Variants in TRIM33 observed in about 807,000 individuals in gnomAD.
TRIM33 encodes the protein tripartite motif containing 33, also known as E3 ubiquitin-protein ligase TRIM33.
In TRIM33, 20 loss-of-function variants were observed where a neutral mutation model predicts 125.4. The ratio of observed to expected loss-of-function variants is 0.16; its 90% CI spans 0.11 to 0.23. The LOEUF (loss-of-function observed/expected upper bound fraction) is 0.23, where lower values mean the gene tolerates loss of function less well. TRIM33 is among the 10% of genes least tolerant of loss of function. The pLI is 1.00. For missense variants in TRIM33, 920 were observed against 1,411.4 expected (o/e 0.65, Z 5.58); for synonymous variants, 564 against 513.9 (o/e 1.10, Z -1.32).
intron 10 of TRIM33, among the ~76,000 whole-genome samples, chr1:114,422,782 T>C (rs971070265): frequency 1.3e-5 from 2 of 152,170 alleles, no homozygotes; most frequent in African/African-American, 4.8e-5. Flanking sequence ...AATGAAGTTG[T>C]CACTGACAAA....
At chr1:114,452,247 G>C (rs559592899) in intron 4 of TRIM33, among the ~76,000 whole-genome samples, 5 of 152,238 alleles carry the variant, frequency 3.3e-5, no homozygotes, top group East Asian at 3.9e-4. Context: ...GGATCACGAG[G>C]TCGAGAGATT....
intron 10 of TRIM33, among the ~76,000 whole-genome samples, chr1:114,423,360 G>A (rs941878664): frequency 2.0e-5 from 3 of 152,078 alleles, no homozygotes; most frequent in Admixed American, 2.0e-4. Flanking sequence ...AAGTAGAAGT[G>A]TAATTCAAGT....
chr1:114,464,754 A>C (rs1650185680), intron 1 of TRIM33, among the ~76,000 whole-genome samples: 8 of 152,206 alleles, frequency 5.3e-5, no homozygotes, highest in Admixed American at 5.2e-4. Context: ...AGCGGGTCCT[A>C]AACGTGATCA....
intron 4 of TRIM33, among the ~76,000 whole-genome samples, chr1:114,460,664 T>A (rs1351559195): frequency 1.4e-5 from 2 of 146,750 alleles, no homozygotes; most frequent in African/African-American, 5.0e-5. Context: ...TGAGGTAACC[T>A]GATGTTAGCC....
At chr1:114,506,688 G>T (rs958511256) in intron 1 of TRIM33, among the ~76,000 whole-genome samples, 7 of 152,170 alleles carry the variant, frequency 4.6e-5, no homozygotes, top group African/African-American at 1.7e-4. Context: ...ACTACTGATA[G>T]CTGTTCTGCC....
In TRIM33 at chr1:114,394,168, T is replaced by G. The variant is rs182543851; in HGVS notation, c.*3480A>C. On this transcript the variant is annotated 3_prime_UTR_variant, in exon 20 of 20. Coordinates refer to ENST00000358465, the MANE Select transcript of TRIM33 (RefSeq NM_015906.4). ...TAACTAAGGGAGTTGGGTGCGTGGA[T>G]TTTTTATAAAACTACTCACTGATCC... 9.5e-4 allele frequency: 218 copies of G among 229,284 alleles called. No homozygotes were observed. The highest frequency in any genetic ancestry group is 4.6e-3 in the African/African-American group (208 of 45,236). 14.2% of individuals were successfully genotyped at this position (229,284 alleles called of 1,614,324 possible). A position where few individuals can be genotyped will look rare whatever the true frequency, so the allele number is the denominator to read the frequency against.
At chr1:114,496,974 C>T (rs1466851644) in intron 1 of TRIM33, among the ~76,000 whole-genome samples, 1 of 152,194 alleles carries the variant, frequency 6.6e-6, no homozygotes, top group African/African-American at 2.4e-5. Flanking sequence ...TAATAAACAC[C>T]ATGCTTTGCC....
Position 114,397,524 on chromosome 1 carries a change from T to A in TRIM33, c.*124A>T. ...TACTGTGTAAAAGCTATCAGCTTCT[T>A]CAAGGAGGTGCCCACTGTAGGCAGG... On this transcript the variant is annotated 3_prime_UTR_variant, in exon 20 of 20. Coordinates refer to ENST00000358465, the MANE Select transcript of TRIM33 (RefSeq NM_015906.4). The A allele has an allele frequency of 1.5e-6, 1 of 673,494 alleles. No individual in the cohort carries two copies. Among genetic ancestry groups the A allele is most frequent in the South Asian group, 1.9e-5 (1 of 52,694 alleles). The allele number at this position is 673,494 out of a possible 1,614,324, so 41.7% of individuals were successfully genotyped here.
chr1:114,439,468 C>CAA (rs59231995), intron 4 of TRIM33, among the ~76,000 whole-genome samples: 58 of 45,964 alleles, frequency 1.3e-3, no homozygotes, highest in South Asian at 5.8e-3. Flanking sequence ...GACTCTGTAT[C>CAA]AAAAAAAAAA....
chr1:114,461,914 T>G (rs928623552), intron 4 of TRIM33, among the ~76,000 whole-genome samples: 1 of 152,184 alleles, frequency 6.6e-6, no homozygotes, highest in African/African-American at 2.4e-5. Flanking sequence ...TGTAAAGCTG[T>G]GAGAGATACC....
In TRIM33 at chr1:114,510,878, C is replaced by T. The variant is rs1369094171; in HGVS notation, c.199G>A (p.Val67Met). The change falls in exon 1 of 20, where the codon GTG becomes ATG. Residue 67 changes from valine to methionine, a missense_variant. By Grantham distance (21) the Val-to-Met change is conservative. Transcript: ENST00000358465. ...GGAAGPDDGG[V>M]AAASSGSAQA... ...GCCGAGCCCGAGGAGGCCGCGGCCA[C>T]CCCCCCGTCGTCGGGCCCGGCCGCG... 2.8e-6 allele frequency: 4 copies of T among 1,447,258 alleles called. No homozygotes were observed. Among genetic ancestry groups the T allele is most frequent in the Non-Finnish European group, 3.6e-6 (4 of 1,105,950 alleles). 89.7% of individuals were successfully genotyped at this position (1,447,258 alleles called of 1,614,324 possible). A position where few individuals can be genotyped will look rare whatever the true frequency, so the allele number is the denominator to read the frequency against.
chr1:114,423,407 G>A (rs1003255596), intron 10 of TRIM33, among the ~76,000 whole-genome samples: 9 of 151,898 alleles, frequency 5.9e-5, no homozygotes, highest in Non-Finnish European at 1.2e-4. Flanking sequence ...GAATTCCAGC[G>A]GATTCATTTA....
intron 11 of TRIM33, among the ~76,000 whole-genome samples, chr1:114,412,668 T>A (rs1652669693): frequency 6.6e-6 from 1 of 152,240 alleles, no homozygotes; most frequent in African/African-American, 2.4e-5. Context: ...CTGAGATTTA[T>A]CCTTGCTGTT....
chr1:114,455,568 TAGTAG>T (rs1649569395), intron 4 of TRIM33, among the ~76,000 whole-genome samples: 1 of 152,024 alleles, frequency 6.6e-6, no homozygotes, highest in African/African-American at 2.4e-5. Context: ...AACAGGGAAA[TAGTAG>T]AGTAGAGGTC....
chr1:114,467,431 T>C (rs1007073172), intron 1 of TRIM33, among the ~76,000 whole-genome samples: 4 of 152,058 alleles, frequency 2.6e-5, no homozygotes, highest in African/African-American at 9.7e-5. Context: ...AGCTGAAGGG[T>C]GTGGAGGGAG....
chr1:114,431,633 T>C (rs538721939), intron 5 of TRIM33, among the ~76,000 whole-genome samples: 2 of 152,206 alleles, frequency 1.3e-5, no homozygotes, highest in Non-Finnish European at 2.9e-5. Context: ...CCATAAGACA[T>C]AGCTTCAATT....
rs74406851 is a variant in TRIM33 at position 114,463,005 on chromosome 1, T to C, written c.923+99A>G. On this transcript the variant is annotated intron_variant, in intron 4 of 19. Coordinates refer to ENST00000358465, the MANE Select transcript of TRIM33 (RefSeq NM_015906.4). ...TATGTAAAATACAGATTTAAAAGAT[T>C]AAGACACAAACATATAATCAATATT... 1.4e-3 allele frequency: 1,265 copies of C among 920,384 alleles called. 10 individuals are homozygous for C. The African/African-American group carries it at 0.019, about 13-fold the overall frequency. The allele number at this position is 920,384 out of a possible 1,614,324, so 57.0% of individuals were successfully genotyped here.
intron 1 of TRIM33, among the ~76,000 whole-genome samples, chr1:114,488,513 T>G (rs1240499015): frequency 6.6e-6 from 1 of 152,042 alleles, no homozygotes; most frequent in African/African-American, 2.4e-5. Flanking sequence ...CCTGTAATCC[T>G]AGCACTTTGA....
At chr1:114,487,563 G>A (rs1304036887) in intron 1 of TRIM33, among the ~76,000 whole-genome samples, 1 of 151,956 alleles carries the variant, frequency 6.6e-6, no homozygotes, top group Non-Finnish European at 1.5e-5. Context: ...TTAACAGAAG[G>A]AACCTTGAAT....
Sources: allele counts gnomAD v4.1 joint callset (sites outside exome capture counted in the v4.1 genomes callset), GRCh38; gene constraint gnomAD v4.1.1; transcripts MANE v1.5; gene names NCBI Gene and HGNC (gene_info 2026-07-23, HGNC 2026-07-21).